The following MED13 variants were observed in gnomAD, a reference collection of about 807,000 sequenced individuals.
MED13 encodes mediator of RNA polymerase II transcription subunit 13.
MED13 carries 23 observed loss-of-function variants against 225.2 expected under a neutral mutation model. That is an observed-to-expected ratio of 0.10 (90% CI 0.07 to 0.14). The LOEUF is 0.14. MED13 is among the 10% of genes least tolerant of loss of function. The pLI, the probability that MED13 is intolerant of heterozygous loss-of-function variation, is 1.00. For synonymous variants in MED13, 942 were observed against 889.2 expected, an observed-to-expected ratio of 1.06 and a Z score of -1.06; for missense variants, 2,197 against 2,594.5, an observed-to-expected ratio of 0.85 and a Z score of 3.33.
chr17:61,957,687 A>G (rs1259098344), intron 23 of MED13, among the ~76,000 whole-genome samples: 1 of 151,970 alleles, frequency 6.6e-6, no homozygotes, highest in African/African-American at 2.4e-5. Flanking sequence ...TCAAATGGAA[A>G]TAGCCAGATT....
At chr17:61,960,842 G>C (rs1236848330) in intron 23 of MED13, 25 bp downstream of exon 23, 10 of 1,451,166 alleles carry the variant, frequency 6.9e-6, no homozygotes, top group Admixed American at 3.5e-5. Context: ...GGAATGATAT[G>C]ATATATTTAG....
chr17:61,949,463 G>C (rs2079878482), intron 28 of MED13, among the ~76,000 whole-genome samples: 2 of 152,136 alleles, frequency 1.3e-5, no homozygotes, highest in African/African-American at 4.8e-5. Flanking sequence ...CTGGCCTCAA[G>C]TGATCCTCCT....
chr17:62,022,321 C>T (rs1567984457), intron 8 of MED13, among the ~76,000 whole-genome samples: 1 of 151,686 alleles, frequency 6.6e-6, no homozygotes. Context: ...TTCAAAAAAA[C>T]CTACTAAATA....
At chr17:61,981,950 T>C (rs539877870) in intron 16 of MED13, among the ~76,000 whole-genome samples, 92 of 152,230 alleles carry the variant, frequency 6.0e-4, no homozygotes, top group Non-Finnish European at 1.0e-3. Context: ...TGCTAATAAA[T>C]ATATGGAATG....
Position 61,949,732 on chromosome 17 carries a change from G to C in MED13, c.6291+1093C>G, listed in dbSNP as rs139826859. Among the ~76,000 whole-genome samples the C allele has an allele frequency of 4.6e-5, 7 of 151,592 alleles. No individual in the cohort carries two copies. The East Asian group carries it at 1.4e-3, about 30-fold the overall frequency. On this transcript the variant is annotated intron_variant, in intron 28 of 29. Coordinates refer to ENST00000397786, the MANE Select transcript of MED13 (RefSeq NM_005121.3). ...AGATGGAATCTCACTCTGTCACCCAGGCTGGAGTGCAGTGGCGCGATCTCG... is the reference window on the plus strand; with the variant it reads ...AGATGGAATCTCACTCTGTCACCCACGCTGGAGTGCAGTGGCGCGATCTCG...
In MED13 at chr17:61,953,061, A is replaced by G. The variant is rs754508404; in HGVS notation, c.6021T>C (p.Leu2007=). The G allele has an allele frequency of 6.2e-7, 1 of 1,613,984 alleles. No individual in the cohort carries two copies. Among genetic ancestry groups the G allele is most frequent in the South Asian group, 1.1e-5 (1 of 91,078 alleles). Residue 2007 remains leucine, a synonymous_variant, in exon 27 of 30, where the codon CTT becomes CTC. Transcript: ENST00000397786. ...IFDLLDTGDD[L]DPDIINILPA... The stretch of plus-strand genomic sequence containing the variant: ...GAAGGATATTAATGATATCAGGGTC[A>G]AGATCATCTCCTGTGTCTAACAAAT...
At chr17:62,061,612 G>C (rs552752792) in intron 2 of MED13, among the ~76,000 whole-genome samples, 1 of 152,088 alleles carries the variant, frequency 6.6e-6, no homozygotes, top group African/African-American at 2.4e-5. Flanking sequence ...AAACATTCTA[G>C]TAAGGTGATT....
intron 2 of MED13, among the ~76,000 whole-genome samples, chr17:62,059,259 A>C (rs186817885): frequency 2.0e-5 from 3 of 152,236 alleles, no homozygotes; most frequent in Non-Finnish European, 4.4e-5. Context: ...TGCATGACAC[A>C]AAGGAGCTAA....
intron 2 of MED13, among the ~76,000 whole-genome samples, chr17:62,059,206 AAAGT>A (rs1713473570): frequency 6.6e-6 from 1 of 152,230 alleles, no homozygotes; most frequent in African/African-American, 2.4e-5. Context: ...AGTTAATAAT[AAAGT>A]ATCAATATTG....
intron 9 of MED13, chr17:62,004,627 A>C (rs192886046): frequency 6.6e-6 from 1 of 152,346 alleles, no homozygotes; most frequent in Admixed American, 6.5e-5. Flanking sequence ...CTAGGGAGGC[A>C]AGAGACTGCA....
At chr17:61,970,951 G>C (rs2143400864) in intron 17 of MED13, among the ~76,000 whole-genome samples, 1 of 151,930 alleles carries the variant, frequency 6.6e-6, no homozygotes, top group African/African-American at 2.4e-5. Context: ...CTTGGACCCA[G>C]GAGGTTATGG....
At position 61,987,107 on chromosome 17, in the gene MED13, T is replaced by A; in HGVS notation, c.2285A>T (p.His762Leu). The A allele has an allele frequency of 4.4e-6, 7 of 1,608,736 alleles. No homozygotes were observed. The South Asian group carries it at 7.7e-5, about 18-fold the overall frequency. ...IKQDAPRPTS[H>L]ARPPSTSLIY... ...CAAACTTGTTGATGGAGGACGGGCATGACTAGTAGGGCGTGGAGCATCTAC... is the reference window on the plus strand; with the variant it reads ...CAAACTTGTTGATGGAGGACGGGCAAGACTAGTAGGGCGTGGAGCATCTAC... Residue 762 changes from histidine to leucine, a missense_variant, in exon 12 of 30, where the codon CAT (histidine) becomes CTT (leucine). His to Leu is a moderately conservative substitution (Grantham distance 99). This residue lies in a region of MED13 where 884 missense variants were observed against 918.5 expected (regional missense o/e 0.96). Transcript: ENST00000397786.
At chr17:62,005,914 G>A (rs948026596) in intron 9 of MED13, 3 of 152,046 alleles carry the variant, frequency 2.0e-5, no homozygotes, top group African/African-American at 7.2e-5. Flanking sequence ...ACACTTAATC[G>A]GCATAGTGCA....
chr17:61,947,701 CCACT>C (rs1488620615), intron 28 of MED13, among the ~76,000 whole-genome samples: 2 of 152,070 alleles, frequency 1.3e-5, no homozygotes, highest in African/African-American at 4.8e-5. Context: ...CCTGCTTTGC[CCACT>C]CAATTTCATA....
At chr17:61,957,116 G>A (rs900893025) in intron 23 of MED13, among the ~76,000 whole-genome samples, 52 of 147,636 alleles carry the variant, frequency 3.5e-4, no homozygotes, top group African/African-American at 1.2e-3. Flanking sequence ...GCACAATCTC[G>A]GCTCACTGCA....
At chr17:62,052,382 T>TAA (rs201715960) in intron 3 of MED13, among the ~76,000 whole-genome samples, 155 bp downstream of exon 3, 8 of 142,016 alleles carry the variant, frequency 5.6e-5, no homozygotes, top group Admixed American at 7.1e-5. Flanking sequence ...TAAAGTGGTT[T>TAA]AAAAAAAAAA....
intron 9 of MED13, 100 bp downstream of exon 9, chr17:62,010,450 T>C (rs2080495832): frequency 1.4e-6 from 1 of 725,538 alleles, no homozygotes; most frequent in Non-Finnish European, 2.0e-6. Flanking sequence ...AATTTATTCT[T>C]GTAAATCCTA....
chr17:62,026,772 T>C (rs1015073371), intron 8 of MED13, among the ~76,000 whole-genome samples: 10 of 152,150 alleles, frequency 6.6e-5, no homozygotes, highest in Middle Eastern at 3.4e-3. Context: ...CAAAAATCAC[T>C]AGCATCCCTA....
chr17:61,995,453 T>G, intron 9 of MED13, 88 bp from the exon 10 acceptor site: 1 of 849,874 alleles, frequency 1.2e-6, no homozygotes, highest in Non-Finnish European at 1.7e-6. Flanking sequence ...GTTTTTAGAA[T>G]TACTTAAAGA....
Sources: gnomAD v4.1 joint callset for allele counts (sites outside exome capture counted in the v4.1 genomes callset) on GRCh38, gnomAD v4.1.1 for gene constraint, gnomAD v4.1.1 regional missense constraint, MANE v1.5 for transcripts, NCBI Gene and HGNC (gene_info 2026-07-23, HGNC 2026-07-21) for gene names.